The following IL1RAPL2 variants were observed in gnomAD, a reference collection of about 807,000 sequenced individuals.
IL1RAPL2 encodes the protein interleukin 1 receptor accessory protein like 2.
A neutral mutation model predicts 44.1 loss-of-function variants in IL1RAPL2; 3 were observed. That is an observed-to-expected ratio of 0.07 (90% CI 0.03 to 0.18). The LOEUF is 0.18. Ranked by LOEUF, IL1RAPL2 falls within the 10% of genes least tolerant of loss-of-function variation. IL1RAPL2 has a pLI of 1.00. For synonymous variants in IL1RAPL2, 181 were observed against 178.8 expected (o/e 1.01, Z -0.10); for missense variants, 391 against 496.4 (o/e 0.79, Z 2.02).
chrX:105,607,635 CA>C (rs11377516), intron 6 of IL1RAPL2, among the ~76,000 whole-genome samples: 155 of 15,687 alleles, frequency 9.9e-3, no homozygotes, highest in African/African-American at 0.028. Flanking sequence ...ATTCAGCAGA[CA>C]AAAAAAAAAA....
chrX:104,639,436 G>A (rs1456083982), intron 1 of IL1RAPL2, among the ~76,000 whole-genome samples: 1 of 111,524 alleles, frequency 9.0e-6, no homozygotes, highest in Admixed American at 9.5e-5. Context: ...GATTATTATT[G>A]ATCTGTGAGG....
chrX:105,077,650 G>A (rs949501687), intron 2 of IL1RAPL2, among the ~76,000 whole-genome samples: 12 of 111,915 alleles, frequency 1.1e-4, no homozygotes, highest in East Asian at 5.6e-4. Flanking sequence ...TTCCAACTTG[G>A]TTCCATTCTC....
chrX:105,486,916 C>A lies in IL1RAPL2; in HGVS notation c.772+2529C>A, dbSNP rs775380940. Among the ~76,000 whole-genome samples the A allele has an allele frequency of 2.8e-5, 3 of 108,257 alleles. No individual in the cohort carries two copies. The South Asian group carries it at 1.2e-3, about 45-fold the overall frequency. 94.0% of individuals were successfully genotyped at this position (108,257 alleles called of 115,157 possible). ...GACCATCCTGATTAACACGGTGAAA[C>A]CCCGTCTCTACTAAAAATACAAAAA... is the stretch of plus-strand genomic sequence containing the variant. On this transcript the variant is annotated intron_variant, in intron 6 of 10. Coordinates refer to ENST00000372582, the MANE Select transcript of IL1RAPL2 (RefSeq NM_017416.2).
intron 2 of IL1RAPL2, among the ~76,000 whole-genome samples, chrX:104,893,050 C>G (rs1923512891): frequency 8.9e-6 from 1 of 111,890 alleles, no homozygotes; most frequent in Non-Finnish European, 1.9e-5. Context: ...GTTACGTACC[C>G]AGTAGTCATT....
intron 2 of IL1RAPL2, among the ~76,000 whole-genome samples, chrX:105,084,896 G>T (rs188022858): frequency 1.8e-5 from 2 of 111,620 alleles, no homozygotes; most frequent in African/African-American, 6.5e-5. Flanking sequence ...GGATCATGGA[G>T]GCAGTGTTCC....
chrX:105,029,043 G>C (rs188049112), intron 2 of IL1RAPL2, among the ~76,000 whole-genome samples: 1 of 108,763 alleles, frequency 9.2e-6, no homozygotes, highest in African/African-American at 3.3e-5. Context: ...TTTGTATTTT[G>C]CTTGAGTGCA....
At chrX:105,713,424 A>G (rs1050319868) in intron 6 of IL1RAPL2, among the ~76,000 whole-genome samples, 1 of 111,494 alleles carries the variant, frequency 9.0e-6, no homozygotes, top group African/African-American at 3.3e-5. Context: ...ACCATGTGAA[A>G]GCTGCCAAGG....
chrX:105,115,015 C>T (rs1396347843), intron 2 of IL1RAPL2, among the ~76,000 whole-genome samples: 1 of 111,713 alleles, frequency 9.0e-6, no homozygotes, highest in Non-Finnish European at 1.9e-5. Flanking sequence ...ACTCATTAGC[C>T]ATGTGGTTTT....
chrX:105,448,309 C>A (rs2035990916), intron 5 of IL1RAPL2, among the ~76,000 whole-genome samples: 1 of 109,704 alleles, frequency 9.1e-6, no homozygotes, highest in South Asian at 3.8e-4. Flanking sequence ...CTGATATTAT[C>A]CCTTTGAATA....
chrX:105,658,682 G>A (rs1307501511), intron 6 of IL1RAPL2, among the ~76,000 whole-genome samples: 1 of 109,013 alleles, frequency 9.2e-6, no homozygotes, highest in African/African-American at 3.4e-5. Context: ...AAAAATTGCC[G>A]AGGTGTGGTG....
intron 2 of IL1RAPL2, among the ~76,000 whole-genome samples, chrX:104,669,208 A>G (rs770678915): frequency 1.8e-5 from 2 of 111,556 alleles, no homozygotes; most frequent in African/African-American, 3.3e-5. Flanking sequence ...GAACTTTCCT[A>G]TTCTTTGATA....
At chrX:105,256,689 C>T (rs181969356) in intron 4 of IL1RAPL2, among the ~76,000 whole-genome samples, 6 of 111,152 alleles carry the variant, frequency 5.4e-5, no homozygotes, top group Non-Finnish European at 9.4e-5. Context: ...CTTCCTGGCT[C>T]AGTCATGGAA....
At chrX:104,746,617 T>C (rs1932180485) in intron 2 of IL1RAPL2, among the ~76,000 whole-genome samples, 2 of 111,604 alleles carry the variant, frequency 1.8e-5, no homozygotes, top group Admixed American at 9.5e-5. Flanking sequence ...ATGGGATGAG[T>C]CAGAACTTTT....
At position 105,717,398 on chromosome X, in the gene IL1RAPL2, C is replaced by T; in HGVS notation, c.804C>T (p.Phe268=). 1 of 1,202,598 alleles carries T rather than the reference C, an allele frequency of 8.3e-7. No homozygotes were observed. The highest frequency in any genetic ancestry group is 2.3e-4 in the Middle Eastern group (1 of 4,310). The change falls in exon 7 of 11, where the codon TTC becomes TTT. Residue 268 remains phenylalanine, a synonymous_variant. Transcript: ENST00000372582. ...GKPLNIPCKA[F]FGFSGESGPM... ...CTCTGAACATCCCCTGCAAAGCATTCTTCGGATTCAGTGGAGAGTCTGGGC... is the reference window on the plus strand; with the variant it reads ...CTCTGAACATCCCCTGCAAAGCATTTTTCGGATTCAGTGGAGAGTCTGGGC...
intron 4 of IL1RAPL2, among the ~76,000 whole-genome samples, chrX:105,244,174 C>T (rs909088391): frequency 3.6e-5 from 4 of 110,685 alleles, no homozygotes; most frequent in African/African-American, 9.9e-5. Flanking sequence ...CATACTTGTG[C>T]GTGTATAAGC....
chrX:104,849,469 G>A (rs1356832656), intron 2 of IL1RAPL2, among the ~76,000 whole-genome samples: 8 of 105,562 alleles, frequency 7.6e-5, no homozygotes, highest in East Asian at 6.0e-4. Context: ...TTTGTAAATT[G>A]TTAATCATTT....
chrX:104,980,953 G>T (rs1246973123), intron 2 of IL1RAPL2, among the ~76,000 whole-genome samples: 1 of 110,894 alleles, frequency 9.0e-6, no homozygotes, highest in Non-Finnish European at 1.9e-5. Context: ...AGCATGGAAT[G>T]CTTTTCCATT....
At chrX:104,711,275 T>G (rs1351027767) in intron 2 of IL1RAPL2, among the ~76,000 whole-genome samples, 2 of 111,469 alleles carry the variant, frequency 1.8e-5, no homozygotes, top group African/African-American at 6.5e-5. Context: ...ACTGTATGCA[T>G]GTTCTGAGAT....
intron 2 of IL1RAPL2, among the ~76,000 whole-genome samples, chrX:104,835,186 T>C (rs1430632572): frequency 8.9e-6 from 1 of 111,784 alleles, no homozygotes; most frequent in Non-Finnish European, 1.9e-5. Flanking sequence ...GGCATTGAAT[T>C]AGAGTATGAC....
Sources: allele counts gnomAD v4.1 joint callset (sites outside exome capture counted in the v4.1 genomes callset), GRCh38; gene constraint gnomAD v4.1.1; transcripts MANE v1.5; gene names NCBI Gene and HGNC (gene_info 2026-07-23, HGNC 2026-07-21).